MAST2: variants seen among roughly 807,000 people sequenced by gnomAD.
MAST2 encodes microtubule-associated serine/threonine-protein kinase 2.
A neutral mutation model predicts 147.4 loss-of-function variants in MAST2; 70 were observed. The ratio of observed to expected loss-of-function variants is 0.47; its 90% CI spans 0.39 to 0.58. The LOEUF (loss-of-function observed/expected upper bound fraction) is 0.58. MAST2 is among the 20% of genes least tolerant of loss of function. MAST2 has a pLI of 0.00. For synonymous variants in MAST2, 869 were observed against 896.8 expected (o/e 0.97, Z 0.55); for missense variants, 2,080 against 2,302.3 (o/e 0.90, Z 1.98).
chr1:45,822,943 T>A (rs1398836776), intron 1 of MAST2, among the ~76,000 whole-genome samples: 1 of 152,210 alleles, frequency 6.6e-6, no homozygotes, highest in African/African-American at 2.4e-5. Context: ...TGCTCAGTCC[T>A]GCTACAGTTA....
In MAST2 at chr1:45,941,361, G is replaced by A. The variant is rs1570839199; in HGVS notation, c.501-18025G>A. ...TGCAGCCTCCACCTCCTGGATTCAG[G>A]TGATTCTCCTTCCTCAGCCTCCCGA... On this transcript the variant is annotated intron_variant, in intron 4 of 28. Coordinates refer to ENST00000361297, the MANE Select transcript of MAST2 (RefSeq NM_015112.3). Among the ~76,000 whole-genome samples the A allele has an allele frequency of 2.6e-5, 4 of 152,270 alleles. No homozygotes were observed. In the South Asian group the frequency reaches 6.2e-4, roughly 24 times the overall value.
At chr1:45,965,477 A>G (rs1408596335) in intron 5 of MAST2, among the ~76,000 whole-genome samples, 2 of 152,104 alleles carry the variant, frequency 1.3e-5, no homozygotes, top group African/African-American at 4.8e-5. Context: ...ACCATTATGT[A>G]ATGGCCTTCT....
intron 2 of MAST2, among the ~76,000 whole-genome samples, chr1:45,824,944 A>G (rs1232970607): frequency 6.6e-6 from 1 of 152,256 alleles, no homozygotes; most frequent in Non-Finnish European, 1.5e-5. Context: ...GAAAAGACTT[A>G]AAAAATTCAG....
intron 5 of MAST2, among the ~76,000 whole-genome samples, chr1:45,995,217 G>A (rs190986817): frequency 5.6e-4 from 85 of 152,158 alleles, no homozygotes; most frequent in Middle Eastern, 3.4e-3. Context: ...TATAATCCTT[G>A]TCTTTGTTCC....
rs1553226681 is a variant in MAST2 at position 45,899,309 on chromosome 1, T to TTC, written c.500+16915_500+16916insCT. ...CAAAAATATTTTTCCTTTCTTTTCT[T>TTC]TTTTTTTTTTTTTTTTTTAGATTCA... is the stretch of plus-strand genomic sequence containing the variant. On this transcript the variant is annotated intron_variant, in intron 4 of 28. Transcript: ENST00000361297. Among the ~76,000 whole-genome samples, 21 of 144,442 alleles carry TTC rather than the reference T, an allele frequency of 1.5e-4. No homozygotes were observed. The South Asian group carries it at 1.5e-3, about 11-fold the overall frequency. 94.8% of individuals were successfully genotyped at this position (144,442 alleles called of 152,430 possible).
intron 20 of MAST2, 62 bp from the exon 21 acceptor site, chr1:46,030,067 T>C: frequency 2.5e-6 from 4 of 1,606,602 alleles, no homozygotes; most frequent in Non-Finnish European, 3.4e-6. Flanking sequence ...TGAAATCTAA[T>C]GGGGTCACAA....
rs554807475 is a variant in MAST2, at chr1:45,962,267, G to A, written c.592+2790G>A. On this transcript the variant is annotated intron_variant, in intron 5 of 28. Coordinates refer to ENST00000361297, the MANE Select transcript of MAST2 (RefSeq NM_015112.3). ...TGTCTTTATAGCAGCATGATTTATA[G>A]TCCTTTGGGTATATACCCAGTAATG... Among the ~76,000 whole-genome samples, 543 of 152,154 alleles carry A rather than the reference G, an allele frequency of 3.6e-3. 2 individuals carry two copies. The highest frequency in any genetic ancestry group is 0.012 in the African/African-American group (491 of 41,498).
intron 4 of MAST2, among the ~76,000 whole-genome samples, chr1:45,886,436 G>A (rs1037537514): frequency 4.6e-5 from 7 of 151,786 alleles, no homozygotes; most frequent in African/African-American, 1.7e-4. Flanking sequence ...GCCACGATAA[G>A]GGCTTTATTG....
At chr1:45,880,983 G>GA in intron 3 of MAST2, among the ~76,000 whole-genome samples, 1 of 123,470 alleles carries the variant, frequency 8.1e-6, no homozygotes, top group Admixed American at 8.0e-5. Flanking sequence ...AAAAAAAAAA[G>GA]AAAAGAAAAA....
chr1:45,964,223 G>A (rs1260498396), intron 5 of MAST2, among the ~76,000 whole-genome samples: 4 of 152,186 alleles, frequency 2.6e-5, no homozygotes, highest in Admixed American at 6.5e-5. Flanking sequence ...GGATGATGCC[G>A]GCCTCATAAA....
chr1:45,890,621 C>G (rs1647599154), intron 4 of MAST2, among the ~76,000 whole-genome samples: 2 of 152,150 alleles, frequency 1.3e-5, no homozygotes, highest in Admixed American at 1.3e-4. Context: ...CCTAAAGAAC[C>G]TATATGGAAA....
In MAST2 at chr1:46,030,673, A is replaced by G. The variant is rs530768488; in HGVS notation, c.2620A>G (p.Ser874Gly). The change falls in exon 22 of 29, where the codon AGC (serine) becomes GGC (glycine). Residue 874 changes from serine (S) to glycine (G), a missense_variant. Physicochemically the swap from Ser to Gly is moderately conservative, Grantham distance 56. This residue lies in a region of MAST2 where 1,278 missense variants were observed against 1,304.2 expected (regional missense o/e 0.98). Transcript: ENST00000361297. ...CCGGACACCACCCCCGACCAAGCGCAGCCTGAGTGAGGAGAAGGAGGACCA... is the reference window on the plus strand; with the variant it reads ...CCGGACACCACCCCCGACCAAGCGCGGCCTGAGTGAGGAGAAGGAGGACCA... ...ERRTPPPTKR[S>G]LSEEKEDHSD... is the part of the protein sequence containing the mutation. 2 of 1,610,916 alleles carry G rather than the reference A, an allele frequency of 1.2e-6. No homozygotes were observed. The highest frequency in any genetic ancestry group is 3.4e-5 in the Admixed American group (2 of 59,182).
At chr1:46,013,248 G>A (rs1645789493) in intron 10 of MAST2, among the ~76,000 whole-genome samples, 1 of 152,140 alleles carries the variant, frequency 6.6e-6, no homozygotes, top group Non-Finnish European at 1.5e-5. Context: ...CAAGATAACT[G>A]ATTTTTTTAA....
At chr1:45,811,352 T>TTG (rs1349903741) in intron 1 of MAST2, among the ~76,000 whole-genome samples, 2 of 148,450 alleles carry the variant, frequency 1.3e-5, no homozygotes, top group African/African-American at 2.5e-5. Context: ...TTTTTTTTTT[T>TTG]TTTTGAGACG....
intron 3 of MAST2, among the ~76,000 whole-genome samples, chr1:45,839,151 C>T (rs529259669): frequency 1.2e-4 from 8 of 64,886 alleles, no homozygotes; most frequent in East Asian, 9.5e-4. Context: ...TTTTTTGAGA[C>T]GGAGTCTCGC....
At position 45,821,089 on chromosome 1, in the gene MAST2, A is replaced by G. The variant is rs554852324; in HGVS notation, c.178-3344A>G. Among the ~76,000 whole-genome samples the G allele has an allele frequency of 7.2e-5, 11 of 151,852 alleles. No homozygotes were observed. The East Asian group carries it at 1.9e-3, about 27-fold the overall frequency. ...TAACTTTTATGTGTTTTGCAGAGAC[A>G]GAGTTTCGCCATGTTGCCCAGGCTG... On this transcript the variant is annotated intron_variant, in intron 1 of 28. Coordinates refer to ENST00000361297, the MANE Select transcript of MAST2 (RefSeq NM_015112.3).
intron 4 of MAST2, among the ~76,000 whole-genome samples, chr1:45,951,380 C>T (rs1162992692): frequency 6.6e-6 from 1 of 152,124 alleles, no homozygotes; most frequent in Admixed American, 6.5e-5. Context: ...CCCAGGAGTT[C>T]AAGACCATCC....
chr1:45,949,197 C>G (rs571512468), intron 4 of MAST2, among the ~76,000 whole-genome samples: 2 of 152,156 alleles, frequency 1.3e-5, no homozygotes, highest in Admixed American at 6.5e-5. Context: ...ACACCAAAAG[C>G]GATTGCAACA....
chr1:45,922,155 A>G (rs760182996), intron 4 of MAST2, among the ~76,000 whole-genome samples: 1 of 152,116 alleles, frequency 6.6e-6, no homozygotes, highest in Non-Finnish European at 1.5e-5. Context: ...GGCTGAGTCC[A>G]GGGGCTTTTA....
Sources: gnomAD v4.1 joint callset for allele counts (sites outside exome capture counted in the v4.1 genomes callset) on GRCh38, gnomAD v4.1.1 for gene constraint, gnomAD v4.1.1 regional missense constraint, MANE v1.5 for transcripts, NCBI Gene and HGNC (gene_info 2026-07-23, HGNC 2026-07-21) for gene names.